Variants in SNX29 observed in about 807,000 individuals in gnomAD.
SNX29 encodes the protein sorting nexin 29, also known as sorting nexin-29.
SNX29 carries 78 observed loss-of-function variants against 102.1 expected under a neutral mutation model. That is an observed-to-expected ratio of 0.76 (90% CI 0.64 to 0.92). The LOEUF is 0.92. Among genes scored for constraint, SNX29 ranks in the 40% least tolerant of loss-of-function variants. The pLI, the probability that SNX29 is intolerant of heterozygous loss-of-function variation, is 0.00. For missense variants in SNX29, 1,280 were observed against 1,061.7 expected, an observed-to-expected ratio of 1.21 and a Z score of -2.86; for synonymous variants, 580 against 414.5, an observed-to-expected ratio of 1.40 and a Z score of -4.85.
At chr16:12,177,882 G>A (rs1275621850) in intron 13 of SNX29, among the ~76,000 whole-genome samples, 1 of 152,138 alleles carries the variant, frequency 6.6e-6, no homozygotes, top group Non-Finnish European at 1.5e-5. Flanking sequence ...CTGCCCTCAC[G>A]GAGCTTAGGT....
rs2089581415 is a variant in SNX29, at chr16:12,510,765, G to C, written c.2179-13937G>C. Among the ~76,000 whole-genome samples, 3 of 151,868 alleles carry C rather than the reference G, an allele frequency of 2.0e-5. No homozygotes were observed. In the South Asian group the frequency reaches 6.3e-4, roughly 32 times the overall value. Reference sequence around the variant, plus strand: ...AGCTGTCCAGCCTGCAGTTTGCGTTGGCTGCAAAGTCAAAAGCAAAGAAAA... The same window carrying C: ...AGCTGTCCAGCCTGCAGTTTGCGTTCGCTGCAAAGTCAAAAGCAAAGAAAA... On this transcript the variant is annotated intron_variant, in intron 19 of 20. Coordinates refer to ENST00000566228, the MANE Select transcript of SNX29 (RefSeq NM_032167.5).
Position 12,089,127 on chromosome 16 carries a change from A to AAG in SNX29, c.1402+10228_1402+10229dup, listed in dbSNP as rs139548374. Among the ~76,000 whole-genome samples the AAG allele has an allele frequency of 2.4e-4, 21 of 88,680 alleles. No homozygotes were observed. In the South Asian group the frequency reaches 3.0e-3, roughly 13 times the overall value. The allele number at this position is 88,680 out of a possible 152,430, so 58.2% of individuals were successfully genotyped here. A position where few individuals can be genotyped will look rare whatever the true frequency, so the allele number is the denominator to read the frequency against. On this transcript the variant is annotated intron_variant, in intron 11 of 20. Coordinates refer to ENST00000566228, the MANE Select transcript of SNX29 (RefSeq NM_032167.5). ...AGAGAGGAGAGAGAGAGAGAGAGAAAAGAGAGAGAGAGAGAGAAAAGAGAA... is the reference window on the plus strand; with the variant it reads ...AGAGAGGAGAGAGAGAGAGAGAGAAAAGAGAGAGAGAGAGAGAGAAAAGAGAA...
At chr16:12,219,395 A>G (rs144479095) in intron 14 of SNX29, among the ~76,000 whole-genome samples, 17 of 152,268 alleles carry the variant, frequency 1.1e-4, no homozygotes, top group African/African-American at 3.4e-4. Flanking sequence ...TCTGGGAACA[A>G]TACTTAACCT....
intron 15 of SNX29, among the ~76,000 whole-genome samples, chr16:12,335,315 G>A (rs1034924741): frequency 6.6e-6 from 1 of 152,038 alleles, no homozygotes; most frequent in Non-Finnish European, 1.5e-5. Context: ...TCTTGCTGCT[G>A]GGAGTATAAG....
intron 8 of SNX29, among the ~76,000 whole-genome samples, chr16:12,055,673 T>G (rs2050489511): frequency 2.0e-5 from 3 of 152,234 alleles, no homozygotes; most frequent in Admixed American, 2.0e-4. Flanking sequence ...GAATTTCTTC[T>G]TCCTTTGGAA....
chr16:12,542,610 G>C (rs2077392532), intron 20 of SNX29, among the ~76,000 whole-genome samples: 1 of 152,216 alleles, frequency 6.6e-6, no homozygotes, highest in Non-Finnish European at 1.5e-5. Flanking sequence ...GGGATTACAG[G>C]CGTGAGCCAC....
At chr16:12,161,878 A>G (rs2055799178) in intron 13 of SNX29, among the ~76,000 whole-genome samples, 1 of 152,112 alleles carries the variant, frequency 6.6e-6, no homozygotes, top group African/African-American at 2.4e-5. Flanking sequence ...TTTCTTACAC[A>G]GTCTGCAGAA....
At chr16:12,525,837 C>T (rs867716630) in intron 20 of SNX29, among the ~76,000 whole-genome samples, 4 of 152,170 alleles carry the variant, frequency 2.6e-5, no homozygotes, top group African/African-American at 9.7e-5. Flanking sequence ...ACATGCCAGG[C>T]GTGCTGACTT....
At chr16:12,170,900 G>A (rs994404497) in intron 13 of SNX29, among the ~76,000 whole-genome samples, 4 of 151,876 alleles carry the variant, frequency 2.6e-5, no homozygotes, top group African/African-American at 9.7e-5. Context: ...GAGACATCCC[G>A]GAGGCCCTGA....
chr16:12,560,135 T>TC (rs57116555), intron 20 of SNX29, among the ~76,000 whole-genome samples: 70,566 of 133,584 alleles, frequency 0.53, 17,161 homozygotes, highest in Middle Eastern at 0.64. Flanking sequence ...TGTGTTCCCC[T>TC]CCCCCCCCCA....
At chr16:12,565,814 C>A (rs2078978861) in intron 20 of SNX29, among the ~76,000 whole-genome samples, 1 of 152,192 alleles carries the variant, frequency 6.6e-6, no homozygotes, top group Non-Finnish European at 1.5e-5. Flanking sequence ...ACCCTCAGCT[C>A]ACTTCTGGTC....
intron 14 of SNX29, among the ~76,000 whole-genome samples, chr16:12,206,361 G>T (rs1434510764): frequency 1.5e-5 from 2 of 130,922 alleles, no homozygotes; most frequent in East Asian, 4.6e-4. Flanking sequence ...TGATGTGCTG[G>T]TAAATGTCTA....
chr16:12,189,516 T>C (rs942112907), intron 13 of SNX29, among the ~76,000 whole-genome samples: 1 of 152,200 alleles, frequency 6.6e-6, no homozygotes, highest in African/African-American at 2.4e-5. Flanking sequence ...TGCATCTTTT[T>C]AGTGCATCCT....
At chr16:12,366,042 C>CA (rs55895030) in intron 16 of SNX29, among the ~76,000 whole-genome samples, 1,689 of 72,360 alleles carry the variant, frequency 0.023, 378 homozygotes, top group Non-Finnish European at 0.028. Flanking sequence ...ACTCTTGTCT[C>CA]AAAAAAAAAA....
intron 10 of SNX29, among the ~76,000 whole-genome samples, chr16:12,070,423 T>G (rs1318497312): frequency 3.3e-5 from 5 of 150,096 alleles, no homozygotes; most frequent in Non-Finnish European, 7.4e-5. Context: ...TGAGAACATG[T>G]GGTGTTTGGT....
chr16:12,157,772 C>A (rs1475078898), intron 13 of SNX29, among the ~76,000 whole-genome samples: 1 of 152,168 alleles, frequency 6.6e-6, no homozygotes, highest in Non-Finnish European at 1.5e-5. Context: ...GTGCCCTATT[C>A]CCTACACTAT....
At chr16:12,561,435 C>T (rs1051885462) in intron 20 of SNX29, among the ~76,000 whole-genome samples, 28 of 152,150 alleles carry the variant, frequency 1.8e-4, no homozygotes, top group African/African-American at 6.8e-4. Flanking sequence ...TGCAGGGATC[C>T]AGCCCTCTAA....
In SNX29 at chr16:12,502,893, G is replaced by A. The variant is rs554492378; in HGVS notation, c.2179-21809G>A. ...GTCACTACTTTAGAATTACAGGAGC[G>A]ATTAGAGCTGCCAGTAGATCTTGTT... On this transcript the variant is annotated intron_variant, in intron 19 of 20. Transcript: ENST00000566228. Among the ~76,000 whole-genome samples the A allele has an allele frequency of 9.8e-5, 15 of 152,304 alleles. No homozygotes were observed. In the South Asian group the frequency reaches 1.2e-3, roughly 13 times the overall value.
At chr16:12,053,967 G>GTTT (rs753961907) in intron 8 of SNX29, among the ~76,000 whole-genome samples, 11 of 146,700 alleles carry the variant, frequency 7.5e-5, no homozygotes, top group Non-Finnish European at 1.2e-4. Context: ...TATATTGTCA[G>GTTT]TTTTTGTTTT....
Sources: allele counts gnomAD v4.1 joint callset (sites outside exome capture counted in the v4.1 genomes callset), GRCh38; gene constraint gnomAD v4.1.1; transcripts MANE v1.5; gene names NCBI Gene and HGNC (gene_info 2026-07-23, HGNC 2026-07-21).